DSCAM: variants seen among roughly 807,000 people sequenced by gnomAD.
DSCAM encodes DS cell adhesion molecule.
Under a neutral mutation model 217.7 loss-of-function variants are expected in DSCAM, and 47 were observed. That is an observed-to-expected ratio of 0.22 (90% CI 0.17 to 0.28). The LOEUF (loss-of-function observed/expected upper bound fraction) is 0.28, where lower values mean the gene tolerates loss of function less well. DSCAM is among the 10% of genes least tolerant of loss of function. The pLI, the probability that DSCAM is intolerant of heterozygous loss-of-function variation, is 1.00. For missense variants in DSCAM, 2,080 were observed against 2,618.3 expected (o/e 0.79, Z 4.49); for synonymous variants, 1,056 against 1,015.3 (o/e 1.04, Z -0.76).
chr21:40,839,086 C>G (rs1303232867), intron 1 of DSCAM, among the ~76,000 whole-genome samples: 2 of 152,146 alleles, frequency 1.3e-5, no homozygotes, highest in Non-Finnish European at 1.5e-5. Flanking sequence ...ATACAAAATC[C>G]ATGATCTCAC....
In DSCAM at chr21:40,367,750, G is replaced by T. The variant is rs118170631; in HGVS notation, c.655+1349C>A. On this transcript the variant is annotated intron_variant, in intron 4 of 32. Coordinates refer to ENST00000400454, the MANE Select transcript of DSCAM (RefSeq NM_001389.5). ...TGTCTTCATCTATACTGTTAGTCCTGAATGCTCAGTCTTATTCCTTGGCTA... is the reference window on the plus strand; with the variant it reads ...TGTCTTCATCTATACTGTTAGTCCTTAATGCTCAGTCTTATTCCTTGGCTA... 7.2e-5 allele frequency among the ~76,000 whole-genome samples: 11 copies of T among 152,192 alleles called. No homozygotes were observed. The East Asian group carries it at 1.9e-3, about 27-fold the overall frequency.
At chr21:40,374,548 A>G (rs1266918605) in intron 3 of DSCAM, among the ~76,000 whole-genome samples, 1 of 152,240 alleles carries the variant, frequency 6.6e-6, no homozygotes, top group Non-Finnish European at 1.5e-5. Context: ...ACATAGAAAG[A>G]TATACTGAGT....
chr21:40,764,352 CTCA>C (rs1267954797), intron 1 of DSCAM, among the ~76,000 whole-genome samples: 4 of 151,156 alleles, frequency 2.6e-5, no homozygotes, highest in African/African-American at 4.9e-5. Flanking sequence ...TGAAAAAAAG[CTCA>C]TCATCACTGG....
intron 10 of DSCAM, among the ~76,000 whole-genome samples, chr21:40,290,944 A>G (rs537544321): frequency 6.6e-6 from 1 of 152,382 alleles, no homozygotes; most frequent in African/African-American, 2.4e-5. Context: ...CTGACAATGC[A>G]GAAAATATTC....
intron 1 of DSCAM, among the ~76,000 whole-genome samples, chr21:40,761,950 C>G (rs1288951631): frequency 6.6e-6 from 1 of 152,176 alleles, no homozygotes; most frequent in African/African-American, 2.4e-5. Context: ...ATCTGGAACA[C>G]AGCTAAGGCA....
At chr21:40,554,299 C>T (rs906343546) in intron 3 of DSCAM, among the ~76,000 whole-genome samples, 4 of 151,374 alleles carry the variant, frequency 2.6e-5, no homozygotes, top group Non-Finnish European at 5.9e-5. Context: ...TCTGCTAAGT[C>T]TTACTTAGGT....
intron 20 of DSCAM, among the ~76,000 whole-genome samples, chr21:40,114,917 G>A (rs972800206): frequency 1.3e-5 from 2 of 152,160 alleles, no homozygotes; most frequent in African/African-American, 4.8e-5. Context: ...GGAAACAACA[G>A]GTGTTGGAGA....
At chr21:40,566,152 T>C in intron 3 of DSCAM, among the ~76,000 whole-genome samples, 1 of 152,140 alleles carries the variant, frequency 6.6e-6, no homozygotes, top group East Asian at 1.9e-4. Flanking sequence ...GTTTTCTCCT[T>C]AGCCTGCTGT....
intron 5 of DSCAM, among the ~76,000 whole-genome samples, chr21:40,351,104 T>C (rs905519612): frequency 2.0e-5 from 3 of 151,838 alleles, no homozygotes; most frequent in African/African-American, 7.3e-5. Context: ...CAAATTAGGG[T>C]GAGGAAAACC....
rs2088158075 is a variant in DSCAM, at chr21:40,016,386, A to ATTT, written c.5687-3001_5687-3000insAAA. Among the ~76,000 whole-genome samples the ATTT allele has an allele frequency of 6.6e-6, 1 of 152,164 alleles. No homozygotes were observed. On this transcript the variant is annotated intron_variant, in intron 32 of 32. Coordinates refer to ENST00000400454, the MANE Select transcript of DSCAM (RefSeq NM_001389.5). This position sits in a 1 kb window ranked among gnomAD's most constrained non-coding sequence, Gnocchi z 4.3. ...TGTATAGGGGAAAGATCGTACTTTG[A>ATTT]TGACAAAAGATGAAGGGTTTAGTTT...
At chr21:40,097,862 A>G (rs1174943045) in intron 20 of DSCAM, among the ~76,000 whole-genome samples, 1 of 148,214 alleles carries the variant, frequency 6.7e-6, no homozygotes, top group Non-Finnish European at 1.5e-5. Flanking sequence ...AATGGCATGA[A>G]CCCAGGAGGC....
chr21:40,165,530 A>G (rs1385783580), intron 16 of DSCAM, among the ~76,000 whole-genome samples: 2 of 152,254 alleles, frequency 1.3e-5, no homozygotes, highest in Non-Finnish European at 2.9e-5. Context: ...ATAGTCCCAC[A>G]ACATTTCACC....
chr21:40,532,868 C>CTGTGTGTG lies in DSCAM; in HGVS notation c.508+159934_508+159941dup, dbSNP rs58575678. ...GGTGCTTCAAAACAGCCACAAGGCT[C>CTGTGTGTG]TGTGTGTGTGTGTGTGTGTGTGTGT... On this transcript the variant is annotated intron_variant, in intron 3 of 32. Coordinates refer to ENST00000400454, the MANE Select transcript of DSCAM (RefSeq NM_001389.5). Among the ~76,000 whole-genome samples, 11 of 145,918 alleles carry CTGTGTGTG rather than the reference C, an allele frequency of 7.5e-5. No individual in the cohort carries two copies. The East Asian group carries it at 1.4e-3, about 19-fold the overall frequency.
In DSCAM at chr21:40,266,360, G is replaced by T. The variant is rs184430361; in HGVS notation, c.2356+9737C>A. Among the ~76,000 whole-genome samples, 605 of 152,148 alleles carry T rather than the reference G, an allele frequency of 4.0e-3. 2 individuals are homozygous for T. Among genetic ancestry groups the T allele is most frequent in the African/African-American group, 0.013 (552 of 41,508 alleles). Reference sequence around the variant, plus strand: ...AAAAGTTAACAAACAATAGATGTTGGCATGGATGTATTGAAAAAGGAACAC... The same window carrying T: ...AAAAGTTAACAAACAATAGATGTTGTCATGGATGTATTGAAAAAGGAACAC... On this transcript the variant is annotated intron_variant, in intron 11 of 32. Transcript: ENST00000400454.
At chr21:40,843,956 CTACATAATCTTT>C (rs1292453823) in intron 1 of DSCAM, among the ~76,000 whole-genome samples, 1 of 151,424 alleles carries the variant, frequency 6.6e-6, no homozygotes, top group Non-Finnish European at 1.5e-5. Flanking sequence ...AAATATTAAA[CTACATAATCTTT>C]TACAAATGAA....
At chr21:40,838,480 T>C (rs1176757770) in intron 1 of DSCAM, among the ~76,000 whole-genome samples, 8 of 152,210 alleles carry the variant, frequency 5.3e-5, no homozygotes, top group African/African-American at 1.9e-4. Flanking sequence ...GTCATCAAGG[T>C]CAACACTGGG....
intron 3 of DSCAM, among the ~76,000 whole-genome samples, chr21:40,510,361 T>C (rs577272654): frequency 1.1e-4 from 16 of 152,220 alleles, no homozygotes; most frequent in Non-Finnish European, 1.0e-4. Flanking sequence ...TGTTACATTG[T>C]AATAAGTCCA....
intron 11 of DSCAM, among the ~76,000 whole-genome samples, chr21:40,270,739 A>G (rs1437651253): frequency 2.0e-5 from 3 of 152,110 alleles, no homozygotes; most frequent in South Asian, 2.1e-4. Context: ...CCAAAGCTTC[A>G]CCATGGGGGG....
intron 1 of DSCAM, among the ~76,000 whole-genome samples, chr21:40,737,901 C>T (rs2091080834): frequency 6.6e-6 from 1 of 152,130 alleles, no homozygotes; most frequent in South Asian, 2.1e-4. Flanking sequence ...CAGAAACCAC[C>T]TTCTTTTTCT....
Sources: gnomAD v4.1 joint callset for allele counts (sites outside exome capture counted in the v4.1 genomes callset) on GRCh38, gnomAD v4.1.1 for gene constraint, Gnocchi (gnomAD v3.1) non-coding constraint, MANE v1.5 for transcripts, NCBI Gene and HGNC (gene_info 2026-07-23, HGNC 2026-07-21) for gene names.